JAKMIP2: variants seen among roughly 807,000 people sequenced by gnomAD.
JAKMIP2 encodes janus kinase and microtubule interacting protein 2.
Under a neutral mutation model 115.0 loss-of-function variants are expected in JAKMIP2, and 25 were observed. The ratio of observed to expected loss-of-function variants is 0.22; its 90% CI spans 0.16 to 0.30. The LOEUF (loss-of-function observed/expected upper bound fraction) is 0.30. Ranked by LOEUF, JAKMIP2 falls within the 10% of genes least tolerant of loss-of-function variation. The pLI is 1.00. For synonymous variants in JAKMIP2, 334 were observed against 343.6 expected (o/e 0.97, Z 0.31); for missense variants, 642 against 957.6 (o/e 0.67, Z 4.35).
chr5:147,650,817 G>A (rs748729557), intron 3 of JAKMIP2, among the ~76,000 whole-genome samples: 18 of 152,056 alleles, frequency 1.2e-4, no homozygotes, highest in Non-Finnish European at 2.4e-4. Flanking sequence ...GAAATAGTCT[G>A]GGTTGATTAG....
At chr5:147,772,217 G>A (rs1177201561) in intron 1 of JAKMIP2, among the ~76,000 whole-genome samples, 1 of 152,062 alleles carries the variant, frequency 6.6e-6, no homozygotes, top group African/African-American at 2.4e-5. Flanking sequence ...AATAATTGCT[G>A]GGACATAAGG....
At chr5:147,598,400 C>A (rs1484621814) in intron 21 of JAKMIP2, among the ~76,000 whole-genome samples, 2 of 151,430 alleles carry the variant, frequency 1.3e-5, no homozygotes, top group East Asian at 3.9e-4. Context: ...TGAGCGAATT[C>A]TCTTAATAAA....
At chr5:147,753,826 T>TTTG (rs1265205955) in intron 1 of JAKMIP2, among the ~76,000 whole-genome samples, 1 of 151,982 alleles carries the variant, frequency 6.6e-6, no homozygotes, top group African/African-American at 2.4e-5. Flanking sequence ...TTTTTTTTTT[T>TTTG]TTGCTAAAGA....
At chr5:147,757,703 C>T (rs144231854) in intron 1 of JAKMIP2, among the ~76,000 whole-genome samples, 2 of 152,068 alleles carry the variant, frequency 1.3e-5, no homozygotes, top group Admixed American at 6.6e-5. Context: ...ACATTTAGCA[C>T]AGTATCAGAC....
chr5:147,768,749 T>C (rs1238678538), intron 1 of JAKMIP2, among the ~76,000 whole-genome samples: 3 of 152,190 alleles, frequency 2.0e-5, no homozygotes, highest in African/African-American at 4.8e-5. Context: ...AGAACAAATA[T>C]GATTTCGCTT....
At chr5:147,623,736 G>T (rs1276759474) in intron 16 of JAKMIP2, 47 bp from the exon 17 acceptor site, 1 of 1,246,654 alleles carries the variant, frequency 8.0e-7, no homozygotes, top group Admixed American at 1.7e-5. Flanking sequence ...TGCTTGATAT[G>T]GTGTATATCT....
intron 1 of JAKMIP2, among the ~76,000 whole-genome samples, chr5:147,729,151 A>T (rs1753627852): frequency 6.6e-6 from 1 of 152,190 alleles, no homozygotes; most frequent in East Asian, 1.9e-4. Context: ...TCTCTCTCAC[A>T]TAGTGTTAGG....
At chr5:147,776,006 A>T (rs907394879) in intron 1 of JAKMIP2, among the ~76,000 whole-genome samples, 8 of 152,168 alleles carry the variant, frequency 5.3e-5, no homozygotes, top group Non-Finnish European at 1.0e-4. Flanking sequence ...CGGGATATAT[A>T]CCTAGGGAAT....
intron 1 of JAKMIP2, among the ~76,000 whole-genome samples, chr5:147,721,534 C>T (rs1482637535): frequency 9.9e-5 from 15 of 152,204 alleles, no homozygotes; most frequent in South Asian, 2.1e-4. Flanking sequence ...GAGCCAGGTG[C>T]GGGGTATAAT....
intron 3 of JAKMIP2, among the ~76,000 whole-genome samples, chr5:147,658,098 C>T (rs145330671): frequency 3.9e-5 from 6 of 151,956 alleles, no homozygotes; most frequent in Non-Finnish European, 2.9e-5. Flanking sequence ...CTGGCTTTTG[C>T]GATTTTCGGT....
intron 1 of JAKMIP2, among the ~76,000 whole-genome samples, chr5:147,751,057 G>C (rs1580876236): frequency 1.3e-5 from 2 of 149,662 alleles, no homozygotes; most frequent in South Asian, 2.1e-4. Context: ...TATTTTCCCT[G>C]TTAAAAGTCA....
At position 147,744,163 on chromosome 5, in the gene JAKMIP2, G is replaced by A. The variant is rs141236813; in HGVS notation, c.-149+38293C>T. ...ATGAACGAACACAGCAAATTGGCCT[G>A]TTTCCAAAGGGCAGCTAGAGATATT... On this transcript the variant is annotated intron_variant, in intron 1 of 21. Transcript: ENST00000616793. Among the ~76,000 whole-genome samples, 229 of 152,186 alleles carry A rather than the reference G, an allele frequency of 1.5e-3. 1 individual carries two copies. Among genetic ancestry groups the A allele is most frequent in the African/African-American group, 5.2e-3 (215 of 41,518 alleles).
intron 1 of JAKMIP2, among the ~76,000 whole-genome samples, chr5:147,753,925 A>G (rs916839280): frequency 6.6e-6 from 1 of 151,824 alleles, no homozygotes; most frequent in Non-Finnish European, 1.5e-5. Flanking sequence ...CCAGAGTGAA[A>G]CTCCAAATCA....
intron 14 of JAKMIP2, among the ~76,000 whole-genome samples, 179 bp downstream of exon 14, chr5:147,631,234 C>T (rs895265041): frequency 6.6e-6 from 1 of 152,140 alleles, no homozygotes; most frequent in African/African-American, 2.4e-5. Context: ...ATCTGTCACA[C>T]ATTAAAAAAC....
At chr5:147,625,462 A>G (rs568175428) in intron 16 of JAKMIP2, among the ~76,000 whole-genome samples, 40 of 152,184 alleles carry the variant, frequency 2.6e-4, no homozygotes, top group Non-Finnish European at 5.1e-4. Context: ...GCACATACAC[A>G]TGGTTTCCCC....
At chr5:147,678,431 T>C (rs902132176) in intron 1 of JAKMIP2, among the ~76,000 whole-genome samples, 48 of 152,224 alleles carry the variant, frequency 3.2e-4, no homozygotes, top group African/African-American at 1.0e-3. Context: ...CTTAATATAA[T>C]GTCCTCTGGG....
rs528517808 is a variant in JAKMIP2 at position 147,675,388 on chromosome 5, C to A, written c.-148-3434G>T. Among the ~76,000 whole-genome samples, 6 of 152,226 alleles carry A rather than the reference C, an allele frequency of 3.9e-5. No individual in the cohort carries two copies. In the East Asian group the frequency reaches 5.8e-4, roughly 15 times the overall value. On this transcript the variant is annotated intron_variant, in intron 1 of 21. Coordinates refer to ENST00000616793, the MANE Select transcript of JAKMIP2 (RefSeq NM_001270941.2). ...CTCTGGTGGAGGAGAACTTTCCAAA[C>A]TCTTCTCCAGTTGTAATGGGTGCCT...
intron 12 of JAKMIP2, among the ~76,000 whole-genome samples, chr5:147,635,373 T>C (rs1246233485): frequency 6.6e-6 from 1 of 151,544 alleles, no homozygotes; most frequent in Admixed American, 6.6e-5. Context: ...AATACTGTTT[T>C]ATGTTTTAAA....
At chr5:147,660,186 A>G (rs1333813693) in intron 3 of JAKMIP2, among the ~76,000 whole-genome samples, 1 of 152,232 alleles carries the variant, frequency 6.6e-6, no homozygotes, top group African/African-American at 2.4e-5. Flanking sequence ...AGGACATTCT[A>G]ATTTTCAGAT....
Sources: allele counts gnomAD v4.1 joint callset (sites outside exome capture counted in the v4.1 genomes callset), GRCh38; gene constraint gnomAD v4.1.1; transcripts MANE v1.5; gene names NCBI Gene and HGNC (gene_info 2026-07-23, HGNC 2026-07-21).